USP6NL: variants seen among roughly 807,000 people sequenced by gnomAD.
USP6NL encodes USP6 N-terminal-like protein.
Under a neutral mutation model 61.9 loss-of-function variants are expected in USP6NL, and 26 were observed. That is an observed-to-expected ratio of 0.42 (90% CI 0.31 to 0.58). The LOEUF (loss-of-function observed/expected upper bound fraction) is 0.58. Among genes scored for constraint, USP6NL ranks in the 20% least tolerant of loss-of-function variants. The pLI is 0.16. For missense variants in USP6NL, 1,114 were observed against 1,034.3 expected (o/e 1.08, Z -1.06); for synonymous variants, 432 against 390.1 (o/e 1.11, Z -1.27).
chr10:11,538,150 T>C (rs1246768153), intron 2 of USP6NL, among the ~76,000 whole-genome samples: 2 of 152,230 alleles, frequency 1.3e-5, no homozygotes, highest in Non-Finnish European at 2.9e-5. Context: ...CTTCTATTAT[T>C]TGCTTCCTAA....
intron 5 of USP6NL, among the ~76,000 whole-genome samples, chr10:11,512,202 T>A (rs1834750314): frequency 6.6e-6 from 1 of 152,104 alleles, no homozygotes; most frequent in Non-Finnish European, 1.5e-5. Flanking sequence ...CCACTTAAAG[T>A]TCAACAGAGA....
rs572651541 is a variant in USP6NL, at chr10:11,518,782, C to G, written c.156-208G>C. Among the ~76,000 whole-genome samples the G allele has an allele frequency of 6.6e-6, 1 of 152,326 alleles. No homozygotes were observed. The highest frequency in any genetic ancestry group is 2.1e-4 in the South Asian group (1 of 4,826). On this transcript the variant is annotated intron_variant, in intron 4 of 14. Transcript: ENST00000609104. This position sits in a 1 kb window ranked among gnomAD's most constrained non-coding sequence, Gnocchi z 5.3. ...TTCAAAATCCAGCCCTGCACTGTCA[C>G]CAGTAGCCACAAGCCACATTTATTA...
intron 2 of USP6NL, among the ~76,000 whole-genome samples, chr10:11,533,594 A>G (rs1458261325): frequency 6.6e-6 from 1 of 152,208 alleles, no homozygotes; most frequent in Non-Finnish European, 1.5e-5. Context: ...AGCTAAGGAA[A>G]GCAGGCAGCC....
rs1387676600 is a variant in USP6NL at position 11,597,515 on chromosome 10, AAACTCTGAAT to A, written c.4+106_4+115del. 7.1e-6 allele frequency: 8 copies of A among 1,119,008 alleles called. No homozygotes were observed. The highest frequency in any genetic ancestry group is 1.1e-5 in the Non-Finnish European group (8 of 753,470). 69.3% of individuals were successfully genotyped at this position (1,119,008 alleles called of 1,614,324 possible). Reference sequence around the variant, plus strand: ...CAGAGTGCTGGGTGGAACCACATTCAAACTCTGAATAAGTGACATAATTCCAATTTATTCA... The same window carrying A: ...CAGAGTGCTGGGTGGAACCACATTCAAAGTGACATAATTCCAATTTATTCA... On this transcript the variant is annotated intron_variant, in intron 2 of 14. Transcript: ENST00000609104. The surrounding 1 kb of genome is among the most constrained non-coding windows in gnomAD (Gnocchi z 4.6).
intron 2 of USP6NL, among the ~76,000 whole-genome samples, chr10:11,541,973 T>C (rs988492279): frequency 1.3e-5 from 2 of 152,224 alleles, no homozygotes; most frequent in Non-Finnish European, 2.9e-5. Flanking sequence ...GGTATTCTTA[T>C]AAGGTTTTAG....
rs774665764 is a variant in USP6NL, at chr10:11,489,228, G to A, written c.544-6C>T. 4.3e-6 allele frequency: 7 copies of A among 1,613,336 alleles called. No individual in the cohort carries two copies. Among genetic ancestry groups the A allele is most frequent in the African/African-American group, 1.3e-5 (1 of 74,910 alleles). ...CCCTGACAATACCCGACTTCCTGGG[G>A]AGCAAAGGGGAACACAGAAGCTGGG... On this transcript the variant is annotated splice_polypyrimidine_tract_variant and splice_region_variant and intron_variant, in intron 9 of 14. Transcript: ENST00000609104. This position sits in a 1 kb window ranked among gnomAD's most constrained non-coding sequence, Gnocchi z 5.7.
chr10:11,593,654 G>A (rs753998604), intron 2 of USP6NL, among the ~76,000 whole-genome samples: 16 of 152,104 alleles, frequency 1.1e-4, no homozygotes, highest in African/African-American at 1.4e-4. Flanking sequence ...CATACAGTAC[G>A]TTTTCCACAA....
At position 11,463,305 on chromosome 10, in the gene USP6NL, G is replaced by A. The variant is rs370896929; in HGVS notation, c.1623C>T (p.Asp541=). The A allele has an allele frequency of 2.7e-4, 439 of 1,613,746 alleles. No homozygotes were observed. Among genetic ancestry groups the A allele is most frequent in the Non-Finnish European group, 3.2e-4 (382 of 1,179,886 alleles). Residue 541 remains aspartate (D), a synonymous_variant, in exon 15 of 15, where the codon GAC becomes GAT. Coordinates refer to ENST00000609104, the MANE Select transcript of USP6NL (RefSeq NM_014688.5). This position sits in a 1 kb window ranked among gnomAD's most constrained non-coding sequence, Gnocchi z 6.3. ...RPKMKALDAE[D]GKRGSTASQY... ...GCGATGCAGTGGAGCCCCGCTTCCC[G>A]TCCTCAGCATCCAGGGCCTTCATCT...
intron 2 of USP6NL, among the ~76,000 whole-genome samples, chr10:11,546,947 C>A (rs1714910964): frequency 6.6e-6 from 1 of 152,176 alleles, no homozygotes; most frequent in Non-Finnish European, 1.5e-5. Context: ...CACATGCAAA[C>A]TTTAATTTTC....
chr10:11,462,329 A>C lies in USP6NL; in HGVS notation c.*112T>G. 12 of 1,217,164 alleles carry C rather than the reference A, an allele frequency of 9.9e-6. No individual in the cohort carries two copies. Among genetic ancestry groups the C allele is most frequent in the Non-Finnish European group, 1.3e-5 (12 of 891,762 alleles). 75.4% of individuals were successfully genotyped at this position (1,217,164 alleles called of 1,614,324 possible). On this transcript the variant is annotated 3_prime_UTR_variant, in exon 15 of 15. Coordinates refer to ENST00000609104, the MANE Select transcript of USP6NL (RefSeq NM_014688.5). ...TGTATTCTTACTACTAACAGACAGG[A>C]GAGATGTGCGAGTTGTTTACAATAG...
rs1228150765 is a variant in USP6NL, at chr10:11,485,127, T to C, written c.825+42A>G. ...GGGTTAACAGCTTCCCCTCACCTTG[T>C]ATTTATAATTTTATGACTGAGTTTT... On this transcript the variant is annotated intron_variant, in intron 12 of 14. Transcript: ENST00000609104. This position sits in a 1 kb window ranked among gnomAD's most constrained non-coding sequence, Gnocchi z 4.8. The C allele has an allele frequency of 6.5e-7, 1 of 1,537,004 alleles. No individual in the cohort carries two copies. The highest frequency in any genetic ancestry group is 1.2e-5 in the South Asian group (1 of 80,280).
rs563595445 is a variant in USP6NL at position 11,553,826 on chromosome 10, G to A, written c.5-26259C>T. 3.3e-5 allele frequency among the ~76,000 whole-genome samples: 5 copies of A among 151,802 alleles called. No homozygotes were observed. Among genetic ancestry groups the A allele is most frequent in the Admixed American group, 3.3e-4 (5 of 15,268 alleles). On this transcript the variant is annotated intron_variant, in intron 2 of 14. Transcript: ENST00000609104. This position sits in a 1 kb window ranked among gnomAD's most constrained non-coding sequence, Gnocchi z 4.8. ...CAAGAGAACTGCTTGAACCCGGGAG[G>A]CAGAGGATGCAGTGAGCCGAGATCG... is the stretch of plus-strand genomic sequence containing the variant.
rs1277216802 is a variant in USP6NL at position 11,562,661 on chromosome 10, CAT to C, written c.4+34968_4+34969del. 6.2e-5 allele frequency: 61 copies of C among 985,300 alleles called. No homozygotes were observed. The African/African-American group carries it at 6.8e-4, about 11-fold the overall frequency. The allele number at this position is 985,300 out of a possible 1,614,324, so 61.0% of individuals were successfully genotyped here. A position where few individuals can be genotyped will look rare whatever the true frequency, so the allele number is the denominator to read the frequency against. ...CTAATTATTTGTGACACTCAACATT[CAT>C]ATGTTGTTAGCCACTTGTATTTCTG... is the stretch of plus-strand genomic sequence containing the variant. On this transcript the variant is annotated intron_variant, in intron 2 of 14. Transcript: ENST00000609104. This position sits in a 1 kb window ranked among gnomAD's most constrained non-coding sequence, Gnocchi z 4.8.
chr10:11,582,383 G>T (rs963259907), intron 2 of USP6NL, among the ~76,000 whole-genome samples: 2 of 152,320 alleles, frequency 1.3e-5, no homozygotes, highest in African/African-American at 4.8e-5. Flanking sequence ...TTACAGGCGT[G>T]AGCCACGGTG....
chr10:11,534,512 G>A (rs113001333), intron 2 of USP6NL, among the ~76,000 whole-genome samples: 3 of 152,158 alleles, frequency 2.0e-5, no homozygotes, highest in East Asian at 1.9e-4. Context: ...AGAAGAGAGT[G>A]GATTCTAGGC....
Position 11,460,624 on chromosome 10 carries a change from CATATATATAT to C in USP6NL, c.*1807_*1816del, listed in dbSNP as rs57177555. 15,385 of 126,626 alleles carry C rather than the reference CATATATATAT, an allele frequency of 0.12. 1,286 individuals carry two copies. Among genetic ancestry groups the C allele is most frequent in the East Asian group, 0.4 (1,930 of 4,786 alleles). The allele number at this position is 126,626 out of a possible 1,614,324, so 7.8% of individuals were successfully genotyped here. ...CTTGTGTGTATATATATATTTTTTG[CATATATATAT>C]ATATATATATATATATATATAAAAA... On this transcript the variant is annotated 3_prime_UTR_variant, in exon 15 of 15. Coordinates refer to ENST00000609104, the MANE Select transcript of USP6NL (RefSeq NM_014688.5).
Position 11,482,017 on chromosome 10 carries a change from T to A in USP6NL, c.926-95A>T. ...ATTCAGGTGTAGTGTAAAAGGGCATTAAAAAGGGCGCAAGCAGCATACAAC... is the reference window on the plus strand; with the variant it reads ...ATTCAGGTGTAGTGTAAAAGGGCATAAAAAAGGGCGCAAGCAGCATACAAC... On this transcript the variant is annotated intron_variant, in intron 13 of 14. Coordinates refer to ENST00000609104, the MANE Select transcript of USP6NL (RefSeq NM_014688.5). This position sits in a 1 kb window ranked among gnomAD's most constrained non-coding sequence, Gnocchi z 4.0. The A allele has an allele frequency of 7.8e-7, 1 of 1,284,070 alleles. No homozygotes were observed. The highest frequency in any genetic ancestry group is 1.0e-6 in the Non-Finnish European group (1 of 964,992). 79.5% of individuals were successfully genotyped at this position (1,284,070 alleles called of 1,614,324 possible). A position where few individuals can be genotyped will look rare whatever the true frequency, so the allele number is the denominator to read the frequency against.
Position 11,562,640 on chromosome 10 carries a change from T to C in USP6NL, c.4+34991A>G. 2.0e-6 allele frequency: 2 copies of C among 985,440 alleles called. No homozygotes were observed. Among genetic ancestry groups the C allele is most frequent in the Non-Finnish European group, 2.4e-6 (2 of 829,930 alleles). The allele number at this position is 985,440 out of a possible 1,614,324, so 61.0% of individuals were successfully genotyped here. A position where few individuals can be genotyped will look rare whatever the true frequency, so the allele number is the denominator to read the frequency against. On this transcript the variant is annotated intron_variant, in intron 2 of 14. Transcript: ENST00000609104. This position sits in a 1 kb window ranked among gnomAD's most constrained non-coding sequence, Gnocchi z 4.8. ...ATTCTAACACTGAACAGTCCTCTAA[T>C]TATTTGTGACACTCAACATTCATAT...
chr10:11,552,569 G>A (rs1238725378), intron 2 of USP6NL, among the ~76,000 whole-genome samples: 1 of 152,210 alleles, frequency 6.6e-6, no homozygotes, highest in Non-Finnish European at 1.5e-5. Flanking sequence ...GCAACCACGG[G>A]TTTCGTGAAG....
Sources: gnomAD v4.1 joint callset for allele counts (sites outside exome capture counted in the v4.1 genomes callset) on GRCh38, gnomAD v4.1.1 for gene constraint, Gnocchi (gnomAD v3.1) non-coding constraint, MANE v1.5 for transcripts, NCBI Gene and HGNC (gene_info 2026-07-23, HGNC 2026-07-21) for gene names.